Variants in ASPRV1 observed in about 807,000 individuals in gnomAD.
ASPRV1 encodes the protein retroviral-like aspartic protease 1.
Under a neutral mutation model 11.0 loss-of-function variants are expected in ASPRV1, and 7 were observed. The observed-to-expected ratio is 0.64, with a 90% CI of 0.36 to 1.20. ASPRV1 has a LOEUF of 1.20. Among genes scored for constraint, ASPRV1 ranks in the 50% most tolerant of loss-of-function variants. The pLI, the probability that ASPRV1 is intolerant of heterozygous loss-of-function variation, is 0.02. For missense variants in ASPRV1, 299 were observed against 320.0 expected (o/e 0.93, Z 0.50); for synonymous variants, 136 against 138.4 (o/e 0.98, Z 0.12).
At chr2:69,981,310 A>G in the ASPRV1 span, among the ~76,000 whole-genome samples, 1 of 152,238 alleles carries the variant, frequency 6.6e-6, no homozygotes, top group African/African-American at 2.4e-5. Flanking sequence ...AAGTGGACAG[A>G]AAGTATTACA....
At chr2:69,965,179 C>G (rs1678294119), upstream of ASPRV1, among the ~76,000 whole-genome samples, 1 of 152,206 alleles carries the variant, frequency 6.6e-6, no homozygotes, top group African/African-American at 2.4e-5. Context: ...TCCTGAGTAG[C>G]TGGGATTACA....
At chr2:70,075,113 CT>C in the ASPRV1 span, 5,523 of 139,278 alleles carry the variant, frequency 0.04, 323 homozygotes, top group African/African-American at 0.13. Context: ...AAGATAACAT[CT>C]TTTTTTTTTT....
chr2:69,983,409 C>G, the ASPRV1 span, among the ~76,000 whole-genome samples: 15 of 152,264 alleles, frequency 9.9e-5, no homozygotes, highest in South Asian at 1.7e-3. Flanking sequence ...AGTTCTGTTC[C>G]CTAGGGCATA....
the ASPRV1 span, chr2:69,942,919 TAATA>T: frequency 6.6e-6 from 1 of 152,350 alleles, no homozygotes; most frequent in South Asian, 2.1e-4. Flanking sequence ...TGTTAACAAA[TAATA>T]AATTATTTCA....
the ASPRV1 span, among the ~76,000 whole-genome samples, chr2:70,022,322 T>C: frequency 6.9e-5 from 10 of 144,642 alleles, no homozygotes; most frequent in African/African-American, 2.3e-4. Flanking sequence ...GCCTAATACA[T>C]GTTGTCTTAA....
the ASPRV1 span, chr2:69,938,777 G>A: frequency 6.5e-6 from 1 of 154,436 alleles, no homozygotes; most frequent in African/African-American, 2.4e-5. Context: ...CTTAACCATG[G>A]ACCTCACCAC....
chr2:70,022,025 T>C, the ASPRV1 span, among the ~76,000 whole-genome samples: 11 of 151,028 alleles, frequency 7.3e-5, no homozygotes, highest in African/African-American at 2.4e-4. Flanking sequence ...TTTTGTTTTG[T>C]TTTGTTTGAG....
upstream of ASPRV1, chr2:69,963,597 GA>G (rs1417456011): frequency 1.1e-5 from 4 of 380,318 alleles, no homozygotes; most frequent in Non-Finnish European, 2.1e-5. Context: ...CAAATGCCCT[GA>G]ACCGGCTTTT....
chr2:69,935,518 G>T, the ASPRV1 span: 1 of 1,285,716 alleles, frequency 7.8e-7, no homozygotes, highest in South Asian at 1.2e-5. Context: ...GTGAGGGTTT[G>T]TCTGTTGTTA....
the ASPRV1 span, among the ~76,000 whole-genome samples, chr2:69,945,480 G>T: frequency 1.3e-5 from 2 of 152,230 alleles, no homozygotes; most frequent in African/African-American, 2.4e-5. Context: ...CATTGCCTCT[G>T]CGAGTGTCCT....
the ASPRV1 span, among the ~76,000 whole-genome samples, chr2:69,984,307 G>A: frequency 6.6e-6 from 1 of 152,142 alleles, no homozygotes; most frequent in Non-Finnish European, 1.5e-5. Context: ...CCAAAGTGCT[G>A]GGATTACAGG....
chr2:70,076,691 T>C, the ASPRV1 span, among the ~76,000 whole-genome samples: 1 of 152,224 alleles, frequency 6.6e-6, no homozygotes. Context: ...AACATTAGCC[T>C]CTAGCTTGGC....
At chr2:70,031,969 A>T in the ASPRV1 span, 1 of 152,184 alleles carries the variant, frequency 6.6e-6, no homozygotes, top group Non-Finnish European at 1.5e-5. Context: ...AACAGTTCCA[A>T]CAGAAATCCA....
the ASPRV1 span, chr2:69,970,620 A>T: frequency 6.6e-6 from 1 of 152,206 alleles, no homozygotes; most frequent in East Asian, 1.9e-4. Flanking sequence ...TCCCTCCTCT[A>T]AGGTGCTATC....
chr2:70,023,458 ATGCCTCTCTGAAGC>A, the ASPRV1 span, among the ~76,000 whole-genome samples: 60 of 152,242 alleles, frequency 3.9e-4, no homozygotes, highest in Admixed American at 1.3e-3. Flanking sequence ...TCTGCAGTAG[ATGCCTCTCTGAAGC>A]TGCCTCTCTT....
the ASPRV1 span, among the ~76,000 whole-genome samples, chr2:69,990,214 C>A: frequency 6.6e-6 from 1 of 152,056 alleles, no homozygotes; most frequent in African/African-American, 2.4e-5. Flanking sequence ...AACAGAGTCT[C>A]ACTCTATTGT....
chr2:70,026,820 C>T, the ASPRV1 span, among the ~76,000 whole-genome samples: 8 of 152,146 alleles, frequency 5.3e-5, no homozygotes, highest in East Asian at 5.8e-4. Context: ...AAAATACCAA[C>T]GACATTCTTC....
upstream of ASPRV1, chr2:69,962,199 GACAC>G (rs56262722): frequency 0.58 from 95,155 of 162,854 alleles, 26,154 homozygotes; most frequent in Admixed American, 0.61. Flanking sequence ...AGTGAGTGAG[GACAC>G]ACACACACAC....
chr2:69,977,216 G>A, the ASPRV1 span, among the ~76,000 whole-genome samples: 69 of 152,214 alleles, frequency 4.5e-4, no homozygotes, highest in African/African-American at 1.6e-3. Context: ...GGGCAAAAAT[G>A]TAGAAATTCA....
Sources: gnomAD v4.1 joint callset for allele counts (sites outside exome capture counted in the v4.1 genomes callset) on GRCh38, gnomAD v4.1.1 for gene constraint, MANE v1.5 for transcripts, NCBI Gene and HGNC (gene_info 2026-07-23, HGNC 2026-07-21) for gene names.